Variants in PRR5L observed in about 807,000 individuals in gnomAD.
The protein encoded by PRR5L is proline-rich protein 5-like.
In PRR5L, 21 loss-of-function variants were observed where a neutral mutation model predicts 36.4. The observed-to-expected ratio is 0.58, with a 90% CI of 0.41 to 0.83. The LOEUF (loss-of-function observed/expected upper bound fraction) is 0.83. PRR5L is among the 40% of genes least tolerant of loss of function. PRR5L has a pLI of 0.00. For missense variants in PRR5L, 381 were observed against 473.3 expected (o/e 0.80, Z 1.81); for synonymous variants, 188 against 197.0 (o/e 0.95, Z 0.38).
intron 3 of PRR5L, among the ~76,000 whole-genome samples, chr11:36,418,919 G>A (rs968935131): frequency 6.6e-6 from 1 of 152,190 alleles, no homozygotes; most frequent in Non-Finnish European, 1.5e-5. Context: ...GTGGAGGAGT[G>A]CAAAATGATG....
At chr11:36,412,399 T>G (rs1380389072) in intron 3 of PRR5L, among the ~76,000 whole-genome samples, 1 of 152,180 alleles carries the variant, frequency 6.6e-6, no homozygotes, top group African/African-American at 2.4e-5. Context: ...GCAATTTGTT[T>G]ATTATTCGTT....
rs114689256 is a variant in PRR5L, at chr11:36,380,245, G to A, written c.-125-20752G>A. 7.8e-3 allele frequency among the ~76,000 whole-genome samples: 1,194 copies of A among 152,256 alleles called. 14 individuals carry two copies. Among genetic ancestry groups the A allele is most frequent in the African/African-American group, 0.026 (1,074 of 41,542 alleles). ...TGCCACAGAAGAAGGAAAGTCAGGC[G>A]CTGTGGATATTGTGAATATAGAGAA... is the stretch of plus-strand genomic sequence containing the variant. On this transcript the variant is annotated intron_variant, in intron 1 of 8. Transcript: ENST00000530639.
intron 7 of PRR5L, among the ~76,000 whole-genome samples, chr11:36,448,006 T>C (rs191291292): frequency 1.8e-4 from 28 of 152,230 alleles, no homozygotes; most frequent in African/African-American, 5.8e-4. Context: ...TTTATAATAG[T>C]TTAGGGCTGA....
At chr11:36,439,571 G>A (rs1858678206) in intron 6 of PRR5L, among the ~76,000 whole-genome samples, 1 of 152,174 alleles carries the variant, frequency 6.6e-6, no homozygotes. Flanking sequence ...CCATTCGCAT[G>A]TGCTAACCCT....
chr11:36,372,748 T>C lies in PRR5L; in HGVS notation c.-125-28249T>C, dbSNP rs544868368. Reference sequence around the variant, plus strand: ...ACAGAGTGCAGGTCTGCAGCAAGAATGATGCCAGGTCCCCTAGGTTTTTCA... The same window carrying C: ...ACAGAGTGCAGGTCTGCAGCAAGAACGATGCCAGGTCCCCTAGGTTTTTCA... On this transcript the variant is annotated intron_variant, in intron 1 of 8. Transcript: ENST00000530639. Among the ~76,000 whole-genome samples, 10 of 152,342 alleles carry C rather than the reference T, an allele frequency of 6.6e-5. No homozygotes were observed. In the East Asian group the frequency reaches 1.5e-3, roughly 23 times the overall value.
chr11:36,326,506 A>G (rs894603234), intron 1 of PRR5L, among the ~76,000 whole-genome samples: 4 of 149,352 alleles, frequency 2.7e-5, no homozygotes, highest in Non-Finnish European at 4.4e-5. Flanking sequence ...ATTACATTTG[A>G]TTGATCTACC....
chr11:36,362,514 T>C (rs1857101285), intron 1 of PRR5L, among the ~76,000 whole-genome samples: 1 of 151,738 alleles, frequency 6.6e-6, no homozygotes, highest in African/African-American at 2.4e-5. Flanking sequence ...CAGGAACAAA[T>C]CTCCAAAAAA....
intron 3 of PRR5L, among the ~76,000 whole-genome samples, chr11:36,415,660 CT>C (rs889804494): frequency 2.0e-5 from 3 of 152,222 alleles, no homozygotes; most frequent in African/African-American, 7.2e-5. Flanking sequence ...ATAAGAATTG[CT>C]TGAGCCCGGG....
At chr11:36,363,472 A>G (rs1857113926) in intron 1 of PRR5L, among the ~76,000 whole-genome samples, 1 of 152,190 alleles carries the variant, frequency 6.6e-6, no homozygotes, top group African/African-American at 2.4e-5. Context: ...CTGTGGTTAC[A>G]GCTCCTCACC....
intron 1 of PRR5L, among the ~76,000 whole-genome samples, chr11:36,318,363 C>A (rs2133461261): frequency 6.6e-6 from 1 of 152,280 alleles, no homozygotes; most frequent in South Asian, 2.1e-4. Context: ...GTACTATTTA[C>A]ACCATATTGC....
At chr11:36,325,957 TTTTG>T (rs1362302048) in intron 1 of PRR5L, among the ~76,000 whole-genome samples, 3 of 152,130 alleles carry the variant, frequency 2.0e-5, no homozygotes, top group African/African-American at 4.8e-5. Context: ...AATGCTGAGG[TTTTG>T]TTTGTTTGTT....
chr11:36,309,007 T>C (rs1856466289), intron 1 of PRR5L, among the ~76,000 whole-genome samples: 1 of 152,244 alleles, frequency 6.6e-6, no homozygotes, highest in East Asian at 1.9e-4. Flanking sequence ...GTTTTTATTT[T>C]GCAGCAGTAT....
intron 1 of PRR5L, among the ~76,000 whole-genome samples, chr11:36,384,002 T>G (rs1401804206): frequency 6.6e-6 from 1 of 152,172 alleles, no homozygotes; most frequent in African/African-American, 2.4e-5. Context: ...CTTTTATTAT[T>G]ATATTATTGT....
At chr11:36,435,408 C>CA (rs1487503702) in intron 5 of PRR5L, among the ~76,000 whole-genome samples, 1 of 152,132 alleles carries the variant, frequency 6.6e-6, no homozygotes, top group East Asian at 1.9e-4. Context: ...GTACCTAGGA[C>CA]AAGTACTAAG....
rs1859268630 is a variant in PRR5L at position 36,465,062 on chromosome 11, A to G, written c.*2326A>G. The G allele has an allele frequency of 6.6e-6, 1 of 152,050 alleles. No individual in the cohort carries two copies. The highest frequency in any genetic ancestry group is 1.5e-5 in the Non-Finnish European group (1 of 68,008). 9.4% of individuals were successfully genotyped at this position (152,050 alleles called of 1,614,324 possible). On this transcript the variant is annotated 3_prime_UTR_variant, in exon 9 of 9. Coordinates refer to ENST00000530639, the MANE Select transcript of PRR5L (RefSeq NM_001160167.2). ...TAACCACTTTTTCTCTCCTAGATTC[A>G]TTTTCATTATTTATGCTAGGATTTT... is the stretch of plus-strand genomic sequence containing the variant.
At chr11:36,373,430 A>G (rs1857217239) in intron 1 of PRR5L, among the ~76,000 whole-genome samples, 1 of 152,088 alleles carries the variant, frequency 6.6e-6, no homozygotes, top group South Asian at 2.1e-4. Flanking sequence ...CCATGGAAAT[A>G]CTGACTACTT....
chr11:36,327,012 G>T (rs1856671344), intron 1 of PRR5L, among the ~76,000 whole-genome samples: 1 of 152,150 alleles, frequency 6.6e-6, no homozygotes, highest in Non-Finnish European at 1.5e-5. Context: ...TTCTGACTCT[G>T]TGCCCCCAGT....
At chr11:36,373,027 T>G (rs1479319705) in intron 1 of PRR5L, among the ~76,000 whole-genome samples, 1 of 151,546 alleles carries the variant, frequency 6.6e-6, no homozygotes, top group Non-Finnish European at 1.5e-5. Context: ...TGAAATGTAA[T>G]CTTACTGGTG....
At chr11:36,305,943 G>C (rs1202928909) in intron 1 of PRR5L, among the ~76,000 whole-genome samples, 1 of 152,162 alleles carries the variant, frequency 6.6e-6, no homozygotes, top group East Asian at 1.9e-4. Flanking sequence ...TTGCTGTGAG[G>C]ACTGACTGAA....
Sources: gnomAD v4.1 joint callset for allele counts (sites outside exome capture counted in the v4.1 genomes callset) on GRCh38, gnomAD v4.1.1 for gene constraint, MANE v1.5 for transcripts, NCBI Gene and HGNC (gene_info 2026-07-23, HGNC 2026-07-21) for gene names.